The following COMMD1 variants were observed in gnomAD, a reference collection of about 807,000 sequenced individuals.
COMMD1 encodes copper metabolism domain containing 1.
A neutral mutation model predicts 17.2 loss-of-function variants in COMMD1; 10 were observed. The ratio of observed to expected loss-of-function variants is 0.58; its 90% CI spans 0.36 to 0.99. The LOEUF (loss-of-function observed/expected upper bound fraction) is 0.99. COMMD1 is among the 50% of genes least tolerant of loss of function. COMMD1 has a pLI of 0.01. For synonymous variants in COMMD1, 97 were observed against 91.6 expected, an observed-to-expected ratio of 1.06 and a Z score of -0.34; for missense variants, 270 against 231.8, an observed-to-expected ratio of 1.17 and a Z score of -1.07.
intron 2 of COMMD1, among the ~76,000 whole-genome samples, chr2:62,074,982 C>T (rs544635940): frequency 7.9e-5 from 12 of 151,120 alleles, no homozygotes; most frequent in South Asian, 4.2e-4. Context: ...TACTGCCTCC[C>T]GGGTTCAAGC....
chr2:62,080,885 T>C (rs1183083389), intron 2 of COMMD1, among the ~76,000 whole-genome samples: 5 of 152,024 alleles, frequency 3.3e-5, no homozygotes, highest in Admixed American at 2.6e-4. Flanking sequence ...GCTCAACAGA[T>C]ACAAATATAA....
At chr2:62,082,346 C>G (rs907923552) in intron 2 of COMMD1, among the ~76,000 whole-genome samples, 1 of 152,140 alleles carries the variant, frequency 6.6e-6, no homozygotes. Flanking sequence ...TAATTTGAAG[C>G]AGGGAGACCT....
At chr2:62,069,196 T>C (rs1371217268) in intron 2 of COMMD1, among the ~76,000 whole-genome samples, 3 of 152,114 alleles carry the variant, frequency 2.0e-5, no homozygotes, top group Non-Finnish European at 4.4e-5. Context: ...AAGGTCTCAC[T>C]GTGTTTCCCA....
chr2:61,973,142 C>G (rs1218449924), intron 1 of COMMD1, among the ~76,000 whole-genome samples: 1 of 152,150 alleles, frequency 6.6e-6, no homozygotes, highest in African/African-American at 2.4e-5. Flanking sequence ...TTGGCTGTCA[C>G]TATTCACTTT....
chr2:61,908,221 T>G (rs1472107866), intron 1 of COMMD1, among the ~76,000 whole-genome samples: 2 of 151,572 alleles, frequency 1.3e-5, no homozygotes, highest in Admixed American at 6.6e-5. Flanking sequence ...CAATCTTTAT[T>G]GAACTCTTTT....
At chr2:61,968,181 A>C (rs2103714773) in intron 1 of COMMD1, among the ~76,000 whole-genome samples, 1 of 152,192 alleles carries the variant, frequency 6.6e-6, no homozygotes, top group East Asian at 1.9e-4. Context: ...AAGAAAACAA[A>C]AGCCGCTTGG....
chr2:61,888,508 G>A (rs895410205), upstream of COMMD1: 7 of 1,611,234 alleles, frequency 4.3e-6, no homozygotes, highest in Non-Finnish European at 5.9e-6. Context: ...TCTCGGGCAT[G>A]GCAAACTCCG....
chr2:62,012,518 A>G (rs1669312425), intron 2 of COMMD1, among the ~76,000 whole-genome samples: 1 of 151,760 alleles, frequency 6.6e-6, no homozygotes, highest in Non-Finnish European at 1.5e-5. Context: ...GGGTTTCTCC[A>G]TGTTGGTGAG....
intron 2 of COMMD1, among the ~76,000 whole-genome samples, chr2:62,099,350 A>G (rs983653551): frequency 6.6e-6 from 1 of 152,182 alleles, no homozygotes; most frequent in African/African-American, 2.4e-5. Context: ...CGGGAGCCTC[A>G]GTTTTCTAAT....
intron 2 of COMMD1, among the ~76,000 whole-genome samples, chr2:62,050,301 T>A (rs1390794864): frequency 6.6e-6 from 1 of 152,234 alleles, no homozygotes; most frequent in East Asian, 1.9e-4. Context: ...TAATTTCATT[T>A]TTTAATTATA....
chr2:61,907,144 T>C (rs577768513), intron 1 of COMMD1, among the ~76,000 whole-genome samples: 3 of 152,348 alleles, frequency 2.0e-5, no homozygotes, highest in East Asian at 3.9e-4. Context: ...TTTTGCTTTG[T>C]TGCCAGGCTG....
At chr2:61,941,057 A>T (rs938622708) in intron 1 of COMMD1, among the ~76,000 whole-genome samples, 2 of 143,834 alleles carry the variant, frequency 1.4e-5, no homozygotes, top group African/African-American at 5.3e-5. Context: ...TTTTTTTGGG[A>T]TGGAGTCTCG....
chr2:61,908,627 C>G (rs898133178), intron 1 of COMMD1, among the ~76,000 whole-genome samples: 6 of 152,042 alleles, frequency 3.9e-5, no homozygotes, highest in Non-Finnish European at 5.9e-5. Context: ...GTGGCGTGAT[C>G]TCAGCTCACT....
At chr2:61,976,458 C>CA (rs1485821641) in intron 1 of COMMD1, among the ~76,000 whole-genome samples, 3 of 151,924 alleles carry the variant, frequency 2.0e-5, no homozygotes, top group Non-Finnish European at 2.9e-5. Context: ...GTCAGTTCTC[C>CA]AAAAAAACAT....
chr2:61,915,029 A>C (rs1290194869), intron 1 of COMMD1, among the ~76,000 whole-genome samples: 4 of 132,630 alleles, frequency 3.0e-5, no homozygotes, highest in Non-Finnish European at 4.8e-5. Flanking sequence ...TTTGAGATGG[A>C]CTTTTGCTCT....
At chr2:62,029,387 A>G (rs937084041) in intron 2 of COMMD1, among the ~76,000 whole-genome samples, 1 of 151,968 alleles carries the variant, frequency 6.6e-6, no homozygotes, top group Non-Finnish European at 1.5e-5. Context: ...AAAATTTTTT[A>G]TTATGGAAAC....
At chr2:61,971,704 A>T (rs1484761651) in intron 1 of COMMD1, among the ~76,000 whole-genome samples, 1 of 152,144 alleles carries the variant, frequency 6.6e-6, no homozygotes, top group Non-Finnish European at 1.5e-5. Flanking sequence ...GATTACAGGC[A>T]TGTGTCACTG....
chr2:62,014,556 T>TTC (rs1669380335), intron 2 of COMMD1, among the ~76,000 whole-genome samples: 2 of 91,586 alleles, frequency 2.2e-5, no homozygotes, highest in Non-Finnish European at 4.1e-5. Context: ...TTTTTTTTTT[T>TTC]TTTTTTTTTT....
At chr2:62,078,552 C>CAA (rs34983790) in intron 2 of COMMD1, among the ~76,000 whole-genome samples, 53 of 86,870 alleles carry the variant, frequency 6.1e-4, no homozygotes, top group African/African-American at 9.4e-4. Context: ...GACTCCGTCT[C>CAA]AAAAAAAAAA....
Sources: gnomAD v4.1 joint callset for allele counts (sites outside exome capture counted in the v4.1 genomes callset) on GRCh38, gnomAD v4.1.1 for gene constraint, MANE v1.5 for transcripts, NCBI Gene and HGNC (gene_info 2026-07-23, HGNC 2026-07-21) for gene names.